Variants in GATAD2B observed in about 807,000 individuals in gnomAD.
The protein encoded by GATAD2B is GATA zinc finger domain containing 2B.
GATAD2B carries 8 observed loss-of-function variants against 64.3 expected under a neutral mutation model. That is an observed-to-expected ratio of 0.12 (90% CI 0.07 to 0.22). GATAD2B has a LOEUF of 0.22. Ranked by LOEUF, GATAD2B falls within the 10% of genes least tolerant of loss-of-function variation. The pLI is 1.00. For missense variants in GATAD2B, 453 were observed against 752.0 expected (o/e 0.60, Z 4.65); for synonymous variants, 281 against 271.3 (o/e 1.04, Z -0.35).
intron 1 of GATAD2B, among the ~76,000 whole-genome samples, chr1:153,917,898 T>C (rs1571013386): frequency 1.3e-5 from 2 of 152,182 alleles, no homozygotes; most frequent in Non-Finnish European, 2.9e-5. Flanking sequence ...GGATGGGAAC[T>C]GACAATACAA....
chr1:153,879,719 C>T (rs968409004), intron 1 of GATAD2B, among the ~76,000 whole-genome samples: 12 of 146,572 alleles, frequency 8.2e-5, no homozygotes, highest in African/African-American at 2.5e-4. Context: ...GCCAACAATG[C>T]GCCACTGCAC....
At chr1:153,877,234 T>C (rs1361035350) in intron 1 of GATAD2B, among the ~76,000 whole-genome samples, 2 of 152,004 alleles carry the variant, frequency 1.3e-5, no homozygotes, top group Admixed American at 1.3e-4. Context: ...TCCTAGCTAC[T>C]TGGGAGGCTG....
intron 1 of GATAD2B, among the ~76,000 whole-genome samples, chr1:153,872,655 G>C (rs1676708023): frequency 6.6e-6 from 1 of 151,874 alleles, no homozygotes; most frequent in Non-Finnish European, 1.5e-5. Flanking sequence ...TTTATCACTG[G>C]GCAAAAATAG....
chr1:153,858,484 G>A (rs917275699), intron 1 of GATAD2B, among the ~76,000 whole-genome samples: 3 of 152,088 alleles, frequency 2.0e-5, no homozygotes, highest in African/African-American at 7.2e-5. Context: ...ATGCACCTGC[G>A]GTCCCAGCTA....
chr1:153,852,731 TA>T, intron 1 of GATAD2B: 1 of 935,018 alleles, frequency 1.1e-6, no homozygotes, highest in Non-Finnish European at 1.8e-6. Flanking sequence ...TGAAGCTTGG[TA>T]GACAGGGAGT....
chr1:153,881,560 C>G (rs7522030), intron 1 of GATAD2B, among the ~76,000 whole-genome samples: 1 of 152,040 alleles, frequency 6.6e-6, no homozygotes, highest in East Asian at 1.9e-4. Context: ...ATATTACCTT[C>G]TACACATAGC....
chr1:153,906,357 T>C (rs1028465896), intron 1 of GATAD2B, among the ~76,000 whole-genome samples: 2 of 152,160 alleles, frequency 1.3e-5, no homozygotes, highest in African/African-American at 2.4e-5. Context: ...AGGCAGAGGT[T>C]GCAGTGAACC....
chr1:153,864,442 C>T (rs565324745), intron 1 of GATAD2B, among the ~76,000 whole-genome samples: 1 of 152,118 alleles, frequency 6.6e-6, no homozygotes, highest in African/African-American at 2.4e-5. Context: ...TATAGGGAGA[C>T]CTTGTCTCTA....
chr1:153,882,592 A>G (rs889553476), intron 1 of GATAD2B, among the ~76,000 whole-genome samples: 1 of 150,330 alleles, frequency 6.7e-6, no homozygotes, highest in Non-Finnish European at 1.5e-5. Flanking sequence ...TGTTATGTAT[A>G]TTTTACTGCA....
rs917837471 is a variant in GATAD2B, at chr1:153,808,868, A to C, written c.*1309T>G. ...GGCGGGCGGGGGGCAGTGGGAAGCAACTATTTGTACAGCAGAGGTCCTAAG... is the reference window on the plus strand; with the variant it reads ...GGCGGGCGGGGGGCAGTGGGAAGCACCTATTTGTACAGCAGAGGTCCTAAG... On this transcript the variant is annotated 3_prime_UTR_variant, in exon 11 of 11. Coordinates refer to ENST00000368655, the MANE Select transcript of GATAD2B (RefSeq NM_020699.4). 1.3e-4 allele frequency: 20 copies of C among 151,994 alleles called. No homozygotes were observed. Among genetic ancestry groups the C allele is most frequent in the African/African-American group, 4.8e-4 (20 of 41,310 alleles). 9.4% of individuals were successfully genotyped at this position (151,994 alleles called of 1,614,324 possible). A position where few individuals can be genotyped will look rare whatever the true frequency, so the allele number is the denominator to read the frequency against.
rs1170546007 is a variant in GATAD2B, at chr1:153,861,813, CATATGTATATATATGT to C, written c.-1-33481_-1-33466del. Among the ~76,000 whole-genome samples the C allele has an allele frequency of 7.9e-5, 9 of 113,446 alleles. No homozygotes were observed. The East Asian group carries it at 1.5e-3, about 20-fold the overall frequency. The allele number at this position is 113,446 out of a possible 152,430, so 74.4% of individuals were successfully genotyped here. On this transcript the variant is annotated intron_variant, in intron 1 of 10. Transcript: ENST00000368655. Reference sequence around the variant, plus strand: ...AAAAAAAAATATATATATATATACACATATGTATATATATGTATATGTATATATGTATGTACGTATA... The same window carrying C: ...AAAAAAAAATATATATATATATACACATATGTATATATGTATGTACGTATA...
chr1:153,862,725 C>CTTT (rs747632481), intron 1 of GATAD2B, among the ~76,000 whole-genome samples: 2 of 127,176 alleles, frequency 1.6e-5, no homozygotes, highest in African/African-American at 5.8e-5. Context: ...TACTTTATTT[C>CTTT]TTTTTTTTTT....
intron 2 of GATAD2B, among the ~76,000 whole-genome samples, chr1:153,826,232 T>C (rs1674873277): frequency 6.6e-6 from 1 of 152,040 alleles, no homozygotes; most frequent in Non-Finnish European, 1.5e-5. Context: ...CTCGATCTCC[T>C]GACCTCGTGA....
chr1:153,895,993 T>C (rs1398031784), intron 1 of GATAD2B, among the ~76,000 whole-genome samples: 1 of 128,640 alleles, frequency 7.8e-6, no homozygotes, highest in African/African-American at 3.0e-5. Flanking sequence ...GACTCTGTCT[T>C]AAAAAAAAAA....
chr1:153,845,834 C>T (rs1272942644), intron 1 of GATAD2B, among the ~76,000 whole-genome samples: 3 of 151,984 alleles, frequency 2.0e-5, no homozygotes, highest in Non-Finnish European at 4.4e-5. Flanking sequence ...ACTCAGGAAG[C>T]TGAGGTGGAA....
chr1:153,894,308 A>T (rs1310184008), intron 1 of GATAD2B, among the ~76,000 whole-genome samples: 1 of 152,134 alleles, frequency 6.6e-6, no homozygotes, highest in Non-Finnish European at 1.5e-5. Context: ...TCTCTACTAA[A>T]AATACAAAAA....
At chr1:153,901,651 C>T (rs1264680462) in intron 1 of GATAD2B, among the ~76,000 whole-genome samples, 5 of 151,376 alleles carry the variant, frequency 3.3e-5, no homozygotes, top group African/African-American at 1.2e-4. Context: ...ATGGTGAAAC[C>T]CATCTCTACT....
chr1:153,850,190 A>C (rs1182239065), intron 1 of GATAD2B, among the ~76,000 whole-genome samples: 2 of 152,174 alleles, frequency 1.3e-5, no homozygotes, highest in African/African-American at 2.4e-5. Flanking sequence ...TGGTTACCCC[A>C]AGGGTATTAT....
chr1:153,857,809 C>T (rs1430253140), intron 1 of GATAD2B, among the ~76,000 whole-genome samples: 2 of 152,192 alleles, frequency 1.3e-5, no homozygotes, highest in Non-Finnish European at 2.9e-5. Flanking sequence ...TTTACCCCTA[C>T]GTAATGTTTT....
Sources: gnomAD v4.1 joint callset for allele counts (sites outside exome capture counted in the v4.1 genomes callset) on GRCh38, gnomAD v4.1.1 for gene constraint, MANE v1.5 for transcripts, NCBI Gene and HGNC (gene_info 2026-07-23, HGNC 2026-07-21) for gene names.